GUCY1A2: variants seen among roughly 807,000 people sequenced by gnomAD.
GUCY1A2 encodes guanylate cyclase soluble subunit alpha-2.
In GUCY1A2, 27 loss-of-function variants were observed where a neutral mutation model predicts 63.5. The ratio of observed to expected loss-of-function variants is 0.43; its 90% CI spans 0.31 to 0.59. GUCY1A2 has a LOEUF of 0.59. Among genes scored for constraint, GUCY1A2 ranks in the 20% least tolerant of loss-of-function variants. The probability of loss-of-function intolerance (pLI) is 0.11; values close to 1 mark genes in which losing one functional copy is unlikely to be tolerated. For synonymous variants in GUCY1A2, 364 were observed against 343.5 expected (o/e 1.06, Z -0.66); for missense variants, 768 against 913.3 (o/e 0.84, Z 2.05).
intron 4 of GUCY1A2, among the ~76,000 whole-genome samples, chr11:106,869,919 T>C (rs1859651016): frequency 6.6e-6 from 1 of 152,060 alleles, no homozygotes; most frequent in South Asian, 2.1e-4. Context: ...TGGAATACTA[T>C]GCAGCCATAA....
intron 4 of GUCY1A2, among the ~76,000 whole-genome samples, chr11:106,836,491 C>T (rs556473784): frequency 4.6e-5 from 7 of 152,070 alleles, no homozygotes; most frequent in Middle Eastern, 3.4e-3. Flanking sequence ...ATATACAGTA[C>T]GTATAAAGTA....
At chr11:106,976,406 G>A (rs916218517) in intron 3 of GUCY1A2, among the ~76,000 whole-genome samples, 2 of 152,096 alleles carry the variant, frequency 1.3e-5, no homozygotes, top group East Asian at 3.9e-4. Context: ...TATGATTACA[G>A]AAGAGAATTT....
At chr11:106,971,681 T>G (rs903949765) in intron 3 of GUCY1A2, among the ~76,000 whole-genome samples, 1 of 152,208 alleles carries the variant, frequency 6.6e-6, no homozygotes, top group African/African-American at 2.4e-5. Flanking sequence ...ATAAAAATGT[T>G]TATAGATGGG....
chr11:106,964,517 G>A (rs76652939), intron 3 of GUCY1A2, among the ~76,000 whole-genome samples: 3,256 of 152,254 alleles, frequency 0.021, 98 homozygotes, highest in African/African-American at 0.072. Flanking sequence ...ATTAATAGAA[G>A]TATAAGCTGG....
chr11:106,876,107 C>T (rs1400484315), intron 4 of GUCY1A2, among the ~76,000 whole-genome samples: 1 of 151,984 alleles, frequency 6.6e-6, no homozygotes, highest in Non-Finnish European at 1.5e-5. Flanking sequence ...TGGAAGAATT[C>T]ACTAATATCA....
At chr11:106,911,841 T>A (rs1860299078) in intron 4 of GUCY1A2, among the ~76,000 whole-genome samples, 1 of 152,032 alleles carries the variant, frequency 6.6e-6, no homozygotes, top group Admixed American at 6.6e-5. Flanking sequence ...AAAATAAAAT[T>A]CAAAGTTATG....
chr11:106,884,771 C>A (rs533847812), intron 4 of GUCY1A2, among the ~76,000 whole-genome samples: 1 of 152,022 alleles, frequency 6.6e-6, no homozygotes, highest in East Asian at 1.9e-4. Flanking sequence ...ATTTTTAACC[C>A]ATTTAAAAAC....
Position 106,687,677 on chromosome 11 carries a change from G to A in GUCY1A2, c.2071C>T (p.Pro691Ser), listed in dbSNP as rs376266445. The change falls in exon 8 of 8, where the codon CCT becomes TCT. Residue 691 changes from proline (P) to serine (S), a missense_variant. By Grantham distance (74) the Pro-to-Ser change is moderately conservative. Around this residue, in one of 3 missense-constraint regions of GUCY1A2, gnomAD observed 150 missense variants for 188.3 expected, o/e 0.80. Coordinates refer to ENST00000526355, the MANE Select transcript of GUCY1A2 (RefSeq NM_000855.3). ...ACCTCCAGGAAATAGCAGATCCCAG[G>A]AATTTCCTTTGGAAAGTTGTCTGGA... Reference protein sequence around the residue: ...ELPDNFPKEIPGICYFLEVRT... With the variant: ...ELPDNFPKEISGICYFLEVRT... 3.1e-6 allele frequency: 5 copies of A among 1,612,732 alleles called. No individual in the cohort carries two copies. In the African/African-American group the frequency reaches 4.0e-5, roughly 13 times the overall value.
chr11:106,914,101 T>A (rs1188048366), intron 4 of GUCY1A2, among the ~76,000 whole-genome samples: 1 of 151,422 alleles, frequency 6.6e-6, no homozygotes, highest in Non-Finnish European at 1.5e-5. Context: ...AAGCAAAATC[T>A]ATTTGTAGGG....
chr11:106,926,008 T>C (rs1860516512), intron 4 of GUCY1A2, among the ~76,000 whole-genome samples: 2 of 152,342 alleles, frequency 1.3e-5, no homozygotes, highest in South Asian at 2.1e-4. Flanking sequence ...CCTATGATAG[T>C]ATGATCTGTA....
intron 5 of GUCY1A2, among the ~76,000 whole-genome samples, chr11:106,805,106 T>A (rs1591284633): frequency 1.3e-5 from 2 of 152,350 alleles, no homozygotes; most frequent in East Asian, 3.9e-4. Context: ...GGTTGCCCTA[T>A]CTTGTCTTAC....
intron 5 of GUCY1A2, among the ~76,000 whole-genome samples, chr11:106,786,928 T>G (rs1864565817): frequency 6.6e-6 from 1 of 152,198 alleles, no homozygotes; most frequent in East Asian, 1.9e-4. Flanking sequence ...ATTTCTGATT[T>G]ACCAGAACTT....
At chr11:106,749,761 T>C (rs775605796) in intron 6 of GUCY1A2, among the ~76,000 whole-genome samples, 3 of 152,022 alleles carry the variant, frequency 2.0e-5, no homozygotes, top group Admixed American at 6.6e-5. Flanking sequence ...CTTTCCTCCT[T>C]CTCACTCTTC....
intron 7 of GUCY1A2, among the ~76,000 whole-genome samples, chr11:106,704,173 C>T (rs1389716725): frequency 6.6e-6 from 1 of 152,130 alleles, no homozygotes; most frequent in Admixed American, 6.5e-5. Flanking sequence ...TAGCACACAT[C>T]ATTCATCATG....
chr11:106,904,588 T>G (rs1427631311), intron 4 of GUCY1A2, among the ~76,000 whole-genome samples: 1 of 152,110 alleles, frequency 6.6e-6, no homozygotes, highest in Non-Finnish European at 1.5e-5. Flanking sequence ...AAAGCTTTTT[T>G]TAATGTACAA....
intron 4 of GUCY1A2, among the ~76,000 whole-genome samples, chr11:106,925,507 T>C (rs2119920792): frequency 6.6e-6 from 1 of 152,320 alleles, no homozygotes; most frequent in South Asian, 2.1e-4. Flanking sequence ...GTGTTTTGAT[T>C]AATTCTAGTA....
rs905232002 is a variant in GUCY1A2, at chr11:106,686,474, C to T, written c.*1075G>A. The T allele has an allele frequency of 6.4e-5, 14 of 217,246 alleles. No individual in the cohort carries two copies. The highest frequency in any genetic ancestry group is 2.7e-4 in the African/African-American group (12 of 44,466). The allele number at this position is 217,246 out of a possible 1,614,324, so 13.5% of individuals were successfully genotyped here. On this transcript the variant is annotated 3_prime_UTR_variant, in exon 8 of 8. Transcript: ENST00000526355. Reference sequence around the variant, plus strand: ...CAACATTCTTGGCAAACTGTCCTGACACTTCTTTGTCACTAATGCCAGTAT... The same window carrying T: ...CAACATTCTTGGCAAACTGTCCTGATACTTCTTTGTCACTAATGCCAGTAT...
chr11:106,842,236 C>T (rs1247295395), intron 4 of GUCY1A2, among the ~76,000 whole-genome samples: 1 of 151,910 alleles, frequency 6.6e-6, no homozygotes, highest in Non-Finnish European at 1.5e-5. Flanking sequence ...TCAAGATTGA[C>T]AGTGTTAGTG....
At chr11:106,896,074 T>C (rs140998258) in intron 4 of GUCY1A2, among the ~76,000 whole-genome samples, 2 of 150,888 alleles carry the variant, frequency 1.3e-5, no homozygotes, top group East Asian at 3.9e-4. Context: ...CATATACGTA[T>C]ATATTCACAA....
Sources: gnomAD v4.1 joint callset for allele counts (sites outside exome capture counted in the v4.1 genomes callset) on GRCh38, gnomAD v4.1.1 for gene constraint, gnomAD v4.1.1 regional missense constraint, MANE v1.5 for transcripts, NCBI Gene and HGNC (gene_info 2026-07-23, HGNC 2026-07-21) for gene names.